Variants in XRN1 observed in about 807,000 individuals in gnomAD.
The protein encoded by XRN1 is strand-exchange protein 1 homolog.
XRN1 carries 67 observed loss-of-function variants against 222.3 expected under a neutral mutation model. The ratio of observed to expected loss-of-function variants is 0.30; its 90% CI spans 0.25 to 0.37. XRN1 has a LOEUF of 0.37. Among genes scored for constraint, XRN1 ranks in the 10% least tolerant of loss-of-function variants. The pLI is 1.00. For synonymous variants in XRN1, 643 were observed against 652.4 expected (o/e 0.99, Z 0.22); for missense variants, 1,707 against 2,000.2 (o/e 0.85, Z 2.80).
intron 36 of XRN1, among the ~76,000 whole-genome samples, chr3:142,329,822 C>A (rs2065640544): frequency 6.6e-6 from 1 of 152,176 alleles, no homozygotes; most frequent in South Asian, 2.1e-4. Flanking sequence ...AACCTGCCAT[C>A]CAAGTGACTG....
chr3:142,396,267 A>T (rs2067927778), intron 20 of XRN1, among the ~76,000 whole-genome samples: 1 of 152,228 alleles, frequency 6.6e-6, no homozygotes, highest in African/African-American at 2.4e-5. Flanking sequence ...CAATTAAAGG[A>T]GTCTTGACTA....
chr3:142,410,492 T>TTTG (rs1559859647), intron 15 of XRN1, among the ~76,000 whole-genome samples: 2 of 129,456 alleles, frequency 1.5e-5, no homozygotes, highest in African/African-American at 6.1e-5. Flanking sequence ...CTCATGTTTT[T>TTTG]TTTTTTTTTT....
At chr3:142,426,603 T>G in intron 3 of XRN1, 141 bp downstream of exon 3, 44 of 727,028 alleles carry the variant, frequency 6.1e-5, no homozygotes, top group Middle Eastern at 3.1e-4. Context: ...AATCGTCTCA[T>G]GAGCAAACAT....
At chr3:142,371,175 T>A (rs1007343239) in intron 26 of XRN1, 64 bp downstream of exon 26, 57 of 1,251,942 alleles carry the variant, frequency 4.6e-5, no homozygotes, top group Non-Finnish European at 5.6e-5. Flanking sequence ...AGAAACCAGC[T>A]GCAGTTGTCA....
chr3:142,370,055 A>C (rs560341662), intron 27 of XRN1, among the ~76,000 whole-genome samples: 1 of 151,882 alleles, frequency 6.6e-6, no homozygotes, highest in South Asian at 2.1e-4. Flanking sequence ...TCAAAGAAAA[A>C]AAAAAAAAAA....
intron 20 of XRN1, among the ~76,000 whole-genome samples, chr3:142,393,810 A>G (rs1232858297): frequency 6.6e-6 from 1 of 151,916 alleles, no homozygotes; most frequent in African/African-American, 2.4e-5. Flanking sequence ...CCAAACCACT[A>G]AACTTTCTAT....
intron 20 of XRN1, among the ~76,000 whole-genome samples, chr3:142,393,094 C>G (rs2067795678): frequency 6.6e-6 from 1 of 151,244 alleles, no homozygotes; most frequent in South Asian, 2.1e-4. Context: ...AGCATTTTTT[C>G]ATGTGTTTTT....
intron 12 of XRN1, 100 bp downstream of exon 12, chr3:142,418,404 A>C (rs2068868881): frequency 1.1e-6 from 1 of 907,284 alleles, no homozygotes; most frequent in Non-Finnish European, 1.7e-6. Flanking sequence ...GAAACCAAAA[A>C]ATCCTTTTTC....
chr3:142,413,297 C>T (rs1010696375), intron 14 of XRN1, among the ~76,000 whole-genome samples: 1 of 151,984 alleles, frequency 6.6e-6, no homozygotes, highest in African/African-American at 2.4e-5. Context: ...GGGCACTGTA[C>T]GATAAAACAG....
intron 5 of XRN1, 91 bp from the exon 6 acceptor site, chr3:142,423,733 G>A: frequency 6.5e-6 from 6 of 922,982 alleles, no homozygotes; most frequent in Non-Finnish European, 7.8e-6. Flanking sequence ...TCTATACAAG[G>A]AAGAATAAGA....
intron 15 of XRN1, chr3:142,407,713 ATCT>A (rs1265436602): frequency 6.6e-6 from 1 of 152,122 alleles, no homozygotes; most frequent in Non-Finnish European, 1.5e-5. Context: ...GGCCATGCTA[ATCT>A]TCTTTGTATC....
At chr3:142,441,728 C>T (rs1308499382) in intron 1 of XRN1, among the ~76,000 whole-genome samples, 8 of 152,174 alleles carry the variant, frequency 5.3e-5, no homozygotes, top group Admixed American at 3.3e-4. Context: ...ACTTGAAGGG[C>T]CAGTGTTGCG....
At chr3:142,362,204 C>G (rs1055053886) in intron 29 of XRN1, among the ~76,000 whole-genome samples, 1 of 152,056 alleles carries the variant, frequency 6.6e-6, no homozygotes, top group Non-Finnish European at 1.5e-5. Context: ...GTGGCATGAT[C>G]TCGGCTCACT....
At chr3:142,313,266 G>GT in intron 39 of XRN1, 2 of 1,409,230 alleles carry the variant, frequency 1.4e-6, no homozygotes, top group Non-Finnish European at 2.0e-6. Context: ...AATATTTGAA[G>GT]TCAAGGCCTT....
chr3:142,419,342 C>G (rs2108096784), intron 10 of XRN1, among the ~76,000 whole-genome samples: 1 of 152,174 alleles, frequency 6.6e-6, no homozygotes, highest in Admixed American at 6.5e-5. Flanking sequence ...AAGACACACA[C>G]ACACACACAA....
chr3:142,412,188 G>A (rs1295912030), intron 15 of XRN1, among the ~76,000 whole-genome samples: 2 of 152,098 alleles, frequency 1.3e-5, no homozygotes, highest in Non-Finnish European at 2.9e-5. Flanking sequence ...GAAATTTCTA[G>A]CTATAATTCT....
chr3:142,435,496 C>T (rs1043568489), intron 1 of XRN1: 2 of 151,996 alleles, frequency 1.3e-5, no homozygotes, highest in Non-Finnish European at 2.9e-5. Flanking sequence ...CACGGTGGCT[C>T]ACACCTGTAA....
At chr3:142,381,384 TTCCAATTTTGTCAGTTGACCAAATAATG>T (rs2067298348) in intron 22 of XRN1, among the ~76,000 whole-genome samples, 1 of 152,160 alleles carries the variant, frequency 6.6e-6, no homozygotes, top group African/African-American at 2.4e-5. Context: ...ACCATCTATA[TTCCAATTTTGTCAGTTGACCAAATAATG>T]TCCTTTATAG....
At chr3:142,432,572 A>G in intron 2 of XRN1, 89 bp downstream of exon 2, 2 of 1,210,920 alleles carry the variant, frequency 1.7e-6, no homozygotes, top group Non-Finnish European at 2.3e-6. Context: ...ATAAACATGA[A>G]CAGAAGATTG....
Sources: allele counts gnomAD v4.1 joint callset (sites outside exome capture counted in the v4.1 genomes callset), GRCh38; gene constraint gnomAD v4.1.1; transcripts MANE v1.5; gene names NCBI Gene and HGNC (gene_info 2026-07-23, HGNC 2026-07-21).